PEBP4: variants seen among roughly 807,000 people sequenced by gnomAD.
PEBP4 encodes the protein phosphatidylethanolamine binding protein 4.
PEBP4 carries 22 observed loss-of-function variants against 23.9 expected under a neutral mutation model. The observed-to-expected ratio is 0.92, with a 90% confidence interval of 0.66 to 1.31. The LOEUF (loss-of-function observed/expected upper bound fraction) is 1.31, where lower values mean the gene tolerates loss of function less well. Ranked by LOEUF, PEBP4 falls within the 40% of genes most tolerant of loss-of-function variation. The pLI is 0.00. For missense variants in PEBP4, 324 were observed against 281.7 expected, an observed-to-expected ratio of 1.15 and a Z score of -1.07; for synonymous variants, 112 against 99.3, an observed-to-expected ratio of 1.13 and a Z score of -0.76.
chr8:22,773,805 C>T (rs1317448114), intron 4 of PEBP4, among the ~76,000 whole-genome samples: 1 of 152,156 alleles, frequency 6.6e-6, no homozygotes, highest in African/African-American at 2.4e-5. Context: ...CTTGCTGTTC[C>T]AACCGTGGGG....
chr8:22,893,456 C>A (rs1434444095), intron 3 of PEBP4, among the ~76,000 whole-genome samples: 3 of 151,686 alleles, frequency 2.0e-5, no homozygotes, highest in Non-Finnish European at 4.4e-5. Flanking sequence ...ATAACAAGGA[C>A]AAAAAACAAT....
intron 3 of PEBP4, among the ~76,000 whole-genome samples, chr8:22,907,187 G>A (rs938686111): frequency 5.9e-5 from 9 of 152,330 alleles, no homozygotes; most frequent in East Asian, 1.9e-4. Context: ...GGCTGGGCAC[G>A]ACAGCTCATG....
upstream of PEBP4, chr8:22,927,944 G>A (rs907448919): frequency 4.1e-5 from 21 of 509,362 alleles, no homozygotes; most frequent in Admixed American, 4.4e-4. Flanking sequence ...CTCAATGTAC[G>A]TTCCTGGCAG....
intron 4 of PEBP4, among the ~76,000 whole-genome samples, chr8:22,812,184 T>C (rs975713343): frequency 1.3e-5 from 2 of 152,194 alleles, no homozygotes; most frequent in African/African-American, 4.8e-5. Flanking sequence ...AACAACTCGC[T>C]CAGCAGTGGA....
chr8:22,926,218 T>C (rs1320678170), intron 2 of PEBP4, among the ~76,000 whole-genome samples: 1 of 152,154 alleles, frequency 6.6e-6, no homozygotes, highest in Non-Finnish European at 1.5e-5. Context: ...CCTTGTTATC[T>C]GCCTGCCTCA....
intron 4 of PEBP4, among the ~76,000 whole-genome samples, chr8:22,801,769 C>T (rs56304094): frequency 0.22 from 32,767 of 151,966 alleles, 3,727 homozygotes; most frequent in East Asian, 0.29. Context: ...CACAGCAGCC[C>T]GGCTCCCAGC....
intron 3 of PEBP4, among the ~76,000 whole-genome samples, chr8:22,871,552 ATTTTTT>A (rs35759089): frequency 2.0e-4 from 23 of 115,294 alleles, no homozygotes; most frequent in Admixed American, 1.7e-3. Flanking sequence ...GATTTCTGGG[ATTTTTT>A]TTTTTTTTTT....
intron 6 of PEBP4, among the ~76,000 whole-genome samples, chr8:22,718,119 G>A (rs1173700317): frequency 6.6e-6 from 1 of 152,140 alleles, no homozygotes; most frequent in Non-Finnish European, 1.5e-5. Flanking sequence ...GTAGTGGGGG[G>A]CACTTTGACT....
intron 3 of PEBP4, among the ~76,000 whole-genome samples, chr8:22,916,676 A>G (rs1809082266): frequency 6.6e-6 from 1 of 152,216 alleles, no homozygotes; most frequent in African/African-American, 2.4e-5. Context: ...TCATGCATTC[A>G]TGCATTCATG....
chr8:22,785,868 CG>C, intron 4 of PEBP4, among the ~76,000 whole-genome samples: 1 of 152,190 alleles, frequency 6.6e-6, no homozygotes, highest in Middle Eastern at 3.2e-3. Flanking sequence ...CTGGAGACAA[CG>C]GGGCTACTCT....
At chr8:22,798,728 C>CTTTTTTTTTTTTTTTTTTTTTT (rs58435864) in intron 4 of PEBP4, 1 of 84,220 alleles carries the variant, frequency 1.2e-5, no homozygotes, top group Non-Finnish European at 2.4e-5. Flanking sequence ...TTTCTTTTTT[C>CTTTTTTTTTTTTTTTTTTTTTT]TTTTTTTTTT....
chr8:22,925,690 C>T (rs1809312139), intron 2 of PEBP4, among the ~76,000 whole-genome samples: 1 of 152,146 alleles, frequency 6.6e-6, no homozygotes, highest in Admixed American at 6.5e-5. Context: ...CCCCCAATGA[C>T]CCTACAGACA....
At position 22,795,143 on chromosome 8, in the gene PEBP4, G is replaced by GTGTGTATA. The variant is rs1268855798; in HGVS notation, c.357+22493_357+22494insTATACACA. 8.2e-4 allele frequency among the ~76,000 whole-genome samples: 41 copies of GTGTGTATA among 49,904 alleles called. 3 individuals carry two copies. The highest frequency in any genetic ancestry group is 3.6e-3 in the African/African-American group (40 of 11,266). 32.7% of individuals were successfully genotyped at this position (49,904 alleles called of 152,430 possible). A position where few individuals can be genotyped will look rare whatever the true frequency, so the allele number is the denominator to read the frequency against. On this transcript the variant is annotated intron_variant, in intron 4 of 6. Coordinates refer to ENST00000256404, the MANE Select transcript of PEBP4 (RefSeq NM_144962.3). ...TATGTGTGTATATATATGTGTGTGTGTATATATATATATATATATATTTTT... is the reference window on the plus strand; with the variant it reads ...TATGTGTGTATATATATGTGTGTGTGTGTGTATATATATATATATATATATATATTTTT...
chr8:22,921,123 T>C (rs1230202728), intron 2 of PEBP4, among the ~76,000 whole-genome samples: 1 of 152,246 alleles, frequency 6.6e-6, no homozygotes, highest in Non-Finnish European at 1.5e-5. Context: ...AAGTGCATGC[T>C]TATATTTGAC....
intron 3 of PEBP4, among the ~76,000 whole-genome samples, chr8:22,835,060 T>G (rs1337632865): frequency 6.6e-6 from 1 of 152,312 alleles, no homozygotes; most frequent in African/African-American, 2.4e-5. Flanking sequence ...AAAGGCGACC[T>G]AACGTTGTGA....
chr8:22,852,345 T>A (rs1350937278), intron 3 of PEBP4, among the ~76,000 whole-genome samples: 2 of 152,198 alleles, frequency 1.3e-5, no homozygotes, highest in Non-Finnish European at 2.9e-5. Context: ...GAAGTTGCTT[T>A]GGCAGAGCGA....
chr8:22,809,350 C>T (rs73553868), intron 4 of PEBP4, among the ~76,000 whole-genome samples: 2 of 152,272 alleles, frequency 1.3e-5, no homozygotes, highest in African/African-American at 4.8e-5. Flanking sequence ...CTGTGCATGG[C>T]TGAGGCAGGT....
At chr8:22,728,535 T>C (rs185032475) in intron 4 of PEBP4, among the ~76,000 whole-genome samples, 70 of 146,008 alleles carry the variant, frequency 4.8e-4, no homozygotes, top group African/African-American at 1.5e-3. Context: ...CTTGCTTCTT[T>C]CTTCCTTCCT....
At chr8:22,907,577 G>A (rs1808842888) in intron 3 of PEBP4, among the ~76,000 whole-genome samples, 1 of 152,150 alleles carries the variant, frequency 6.6e-6, no homozygotes, top group Non-Finnish European at 1.5e-5. Flanking sequence ...AAGCAAGGGA[G>A]CCAATGAGAA....
Sources: gnomAD v4.1 joint callset for allele counts (sites outside exome capture counted in the v4.1 genomes callset) on GRCh38, gnomAD v4.1.1 for gene constraint, MANE v1.5 for transcripts, NCBI Gene and HGNC (gene_info 2026-07-23, HGNC 2026-07-21) for gene names.